Variants in PPM1H observed in about 807,000 individuals in gnomAD.
PPM1H encodes the protein protein phosphatase, Mg2+/Mn2+ dependent 1H, also known as protein phosphatase 1H.
In PPM1H, 27 loss-of-function variants were observed where a neutral mutation model predicts 54.9. The observed-to-expected ratio is 0.49, with a 90% CI of 0.36 to 0.68. The LOEUF (loss-of-function observed/expected upper bound fraction) is 0.68, where lower values mean the gene tolerates loss of function less well. PPM1H is among the 30% of genes least tolerant of loss of function. The probability of loss-of-function intolerance (pLI) is 0.00; values close to 1 mark genes in which losing one functional copy is unlikely to be tolerated. For missense variants in PPM1H, 596 were observed against 667.8 expected (o/e 0.89, Z 1.19); for synonymous variants, 305 against 270.8 (o/e 1.13, Z -1.24).
At chr12:62,917,416 A>C (rs775703761) in intron 1 of PPM1H, among the ~76,000 whole-genome samples, 8 of 152,182 alleles carry the variant, frequency 5.3e-5, no homozygotes, top group Non-Finnish European at 1.2e-4. Context: ...AGAGCTTTCA[A>C]TTTTACATTT....
At chr12:62,666,849 G>T (rs2075920737) in intron 9 of PPM1H, among the ~76,000 whole-genome samples, 1 of 152,162 alleles carries the variant, frequency 6.6e-6, no homozygotes, top group Admixed American at 6.5e-5. Context: ...GAGTAACTGG[G>T]ATTACAGGTG....
chr12:62,782,217 G>A (rs907981821), intron 4 of PPM1H, among the ~76,000 whole-genome samples: 8 of 152,194 alleles, frequency 5.3e-5, no homozygotes, highest in South Asian at 2.1e-4. Context: ...TGTACTGGCC[G>A]TTGGTGAAAT....
intron 5 of PPM1H, among the ~76,000 whole-genome samples, chr12:62,728,102 G>A (rs148762968): frequency 3.9e-5 from 6 of 152,236 alleles, no homozygotes; most frequent in African/African-American, 1.2e-4. Flanking sequence ...GGGAGAGGGC[G>A]GAGGTATACC....
At chr12:62,799,703 C>T (rs946383183) in intron 3 of PPM1H, among the ~76,000 whole-genome samples, 3 of 152,178 alleles carry the variant, frequency 2.0e-5, no homozygotes, top group African/African-American at 7.2e-5. Flanking sequence ...TGCAGGCTAT[C>T]AGACAGTCTT....
At chr12:62,889,590 G>A (rs1043646617) in intron 1 of PPM1H, among the ~76,000 whole-genome samples, 2 of 152,002 alleles carry the variant, frequency 1.3e-5, no homozygotes, top group Non-Finnish European at 2.9e-5. Context: ...GTAGACCAAC[G>A]GAACAGAAGA....
At chr12:62,799,298 C>T (rs1376895167) in intron 3 of PPM1H, among the ~76,000 whole-genome samples, 1 of 152,150 alleles carries the variant, frequency 6.6e-6, no homozygotes, top group Non-Finnish European at 1.5e-5. Context: ...CTGTGGAGTC[C>T]TGAGTCAATG....
chr12:62,672,319 C>T (rs1353528438), intron 8 of PPM1H, among the ~76,000 whole-genome samples: 1 of 152,164 alleles, frequency 6.6e-6, no homozygotes, highest in South Asian at 2.1e-4. Context: ...CTGAAGCTTT[C>T]CTTATGATCT....
intron 2 of PPM1H, among the ~76,000 whole-genome samples, chr12:62,820,933 C>T (rs2076899361): frequency 6.6e-6 from 1 of 152,174 alleles, no homozygotes; most frequent in Admixed American, 6.5e-5. Context: ...GACAAGCTGA[C>T]AGAAGTAGGC....
intron 4 of PPM1H, among the ~76,000 whole-genome samples, chr12:62,769,456 C>T (rs990469591): frequency 3.3e-5 from 5 of 152,192 alleles, no homozygotes; most frequent in East Asian, 1.9e-4. Context: ...AAACCAGCCT[C>T]GTGGCCTGAA....
intron 1 of PPM1H, among the ~76,000 whole-genome samples, chr12:62,860,934 A>C (rs1408885264): frequency 6.6e-6 from 1 of 152,218 alleles, no homozygotes; most frequent in Non-Finnish European, 1.5e-5. Context: ...TTTACCCAGC[A>C]CTTCCAGATG....
At chr12:62,834,306 T>C (rs1868436330) in intron 1 of PPM1H, among the ~76,000 whole-genome samples, 2 of 152,140 alleles carry the variant, frequency 1.3e-5, no homozygotes, top group South Asian at 4.1e-4. Flanking sequence ...GGAAAGACAT[T>C]TTCATATGGC....
intron 6 of PPM1H, among the ~76,000 whole-genome samples, chr12:62,717,880 T>C (rs866316975): frequency 3.0e-4 from 46 of 152,288 alleles, no homozygotes; most frequent in African/African-American, 1.1e-3. Context: ...GCTGTTCTTC[T>C]CCCCCTTTGA....
chr12:62,788,135 T>C, intron 4 of PPM1H, 91 bp downstream of exon 4: 1 of 905,888 alleles, frequency 1.1e-6, no homozygotes, highest in Non-Finnish European at 1.7e-6. Flanking sequence ...GGCCTGTCTT[T>C]AATTATTTCT....
At chr12:62,839,406 G>A (rs1163792884) in intron 1 of PPM1H, among the ~76,000 whole-genome samples, 1 of 152,040 alleles carries the variant, frequency 6.6e-6, no homozygotes, top group African/African-American at 2.4e-5. Flanking sequence ...TTTAAAATTG[G>A]GATATTTACA....
chr12:62,694,030 G>T (rs1248925780), intron 6 of PPM1H, 31 bp from the exon 7 acceptor site: 1 of 1,590,262 alleles, frequency 6.3e-7, no homozygotes, highest in South Asian at 1.1e-5. Context: ...TTTAAAAAAG[G>T]TTTGCACTCA....
At chr12:62,868,316 G>A (rs1379781607) in intron 1 of PPM1H, among the ~76,000 whole-genome samples, 2 of 152,160 alleles carry the variant, frequency 1.3e-5, no homozygotes, top group African/African-American at 4.8e-5. Flanking sequence ...TAACATCTGA[G>A]CCTGAACAAC....
chr12:62,688,553 C>A (rs115388654), intron 8 of PPM1H, among the ~76,000 whole-genome samples: 2 of 152,042 alleles, frequency 1.3e-5, no homozygotes, highest in African/African-American at 2.4e-5. Flanking sequence ...ACATAGAAAT[C>A]GATACTGTTT....
At chr12:62,898,319 A>T (rs1202509947) in intron 1 of PPM1H, among the ~76,000 whole-genome samples, 2 of 152,180 alleles carry the variant, frequency 1.3e-5, no homozygotes, top group African/African-American at 4.8e-5. Context: ...CGGAGCAGAA[A>T]GTCCTCCAAG....
At chr12:62,685,793 A>G (rs915858588) in intron 8 of PPM1H, among the ~76,000 whole-genome samples, 3 of 152,228 alleles carry the variant, frequency 2.0e-5, no homozygotes, top group East Asian at 3.8e-4. Context: ...ACAAAAAATG[A>G]TAAGTATATG....
Sources: gnomAD v4.1 joint callset for allele counts (sites outside exome capture counted in the v4.1 genomes callset) on GRCh38, gnomAD v4.1.1 for gene constraint, MANE v1.5 for transcripts, NCBI Gene and HGNC (gene_info 2026-07-23, HGNC 2026-07-21) for gene names.